LRMDA: variants seen among roughly 807,000 people sequenced by gnomAD.
LRMDA encodes the protein leucine rich melanocyte differentiation associated.
LRMDA carries 18 observed loss-of-function variants against 29.8 expected under a neutral mutation model. The observed-to-expected ratio is 0.60, with a 90% CI of 0.42 to 0.90. The LOEUF (loss-of-function observed/expected upper bound fraction) is 0.90. Among genes scored for constraint, LRMDA ranks in the 40% least tolerant of loss-of-function variants. The probability of loss-of-function intolerance (pLI) is 0.00; values close to 1 mark genes in which losing one functional copy is unlikely to be tolerated. For missense variants in LRMDA, 273 were observed against 273.9 expected (o/e 1.00, Z 0.02); for synonymous variants, 125 against 109.4 (o/e 1.14, Z -0.89).
At position 75,431,769 on chromosome 10, in the gene LRMDA, G is replaced by GC; in HGVS notation, c.30+19dup. 7.4e-7 allele frequency: 1 copy of GC among 1,359,514 alleles called. No individual in the cohort carries two copies. Among genetic ancestry groups the GC allele is most frequent in the Non-Finnish European group, 9.5e-7 (1 of 1,050,120 alleles). 84.2% of individuals were successfully genotyped at this position (1,359,514 alleles called of 1,614,324 possible). On this transcript the variant is annotated intron_variant, in intron 1 of 6. Coordinates refer to ENST00000611255, the MANE Select transcript of LRMDA (RefSeq NM_001305581.2). ...GTGGAACTCAAGTAAGTCCCGGCCA[G>GC]CCCCGCCTCCGCCCGGGGCGCAGTC... is the stretch of plus-strand genomic sequence containing the variant.
At chr10:75,708,112 C>A (rs916265200) in intron 2 of LRMDA, among the ~76,000 whole-genome samples, 1 of 152,068 alleles carries the variant, frequency 6.6e-6, no homozygotes, top group Admixed American at 6.5e-5. Flanking sequence ...AGCAAAGGGC[C>A]GCTCTGACAG....
chr10:75,459,466 C>T (rs1277173375), intron 2 of LRMDA, among the ~76,000 whole-genome samples: 4 of 152,132 alleles, frequency 2.6e-5, no homozygotes, highest in African/African-American at 7.2e-5. Context: ...CTGGGATCCC[C>T]TATGCTATGC....
At chr10:75,794,607 C>T (rs961253515) in intron 2 of LRMDA, among the ~76,000 whole-genome samples, 8 of 152,126 alleles carry the variant, frequency 5.3e-5, no homozygotes, top group East Asian at 1.9e-4. Flanking sequence ...CAGTTAGTGT[C>T]GTCAGTCTTT....
chr10:75,923,640 T>C (rs1305358739), intron 2 of LRMDA, among the ~76,000 whole-genome samples: 2 of 152,206 alleles, frequency 1.3e-5, no homozygotes, highest in Non-Finnish European at 2.9e-5. Context: ...TAGAGATTTG[T>C]TTTTAGATCA....
intron 2 of LRMDA, among the ~76,000 whole-genome samples, chr10:75,669,111 C>T (rs1023672142): frequency 6.6e-6 from 1 of 152,140 alleles, no homozygotes; most frequent in African/African-American, 2.4e-5. Flanking sequence ...ATATTTAGCC[C>T]CTTATGTTGT....
chr10:75,812,283 T>C (rs998937317), intron 2 of LRMDA, among the ~76,000 whole-genome samples: 3 of 152,132 alleles, frequency 2.0e-5, no homozygotes, highest in African/African-American at 7.2e-5. Context: ...TCAACACTGC[T>C]GCAGTTATAA....
intron 5 of LRMDA, among the ~76,000 whole-genome samples, chr10:76,255,989 ATTC>A (rs1852587142): frequency 6.6e-6 from 1 of 152,228 alleles, no homozygotes; most frequent in African/African-American, 2.4e-5. Flanking sequence ...GACCAGTTTC[ATTC>A]TTCTAATTCT....
intron 6 of LRMDA, chr10:76,402,325 G>T (rs1336136506): frequency 1.3e-5 from 2 of 152,156 alleles, no homozygotes; most frequent in Non-Finnish European, 2.9e-5. Context: ...ATTTACTAAG[G>T]TAAGATGAAG....
At chr10:76,214,050 G>A (rs1177279806) in intron 5 of LRMDA, among the ~76,000 whole-genome samples, 2 of 152,152 alleles carry the variant, frequency 1.3e-5, no homozygotes, top group Non-Finnish European at 2.9e-5. Flanking sequence ...CCATGGAGGT[G>A]AGGGAGACAG....
intron 2 of LRMDA, among the ~76,000 whole-genome samples, chr10:75,571,985 C>T (rs139944047): frequency 0.013 from 1,919 of 152,172 alleles, 40 homozygotes; most frequent in African/African-American, 0.044. Flanking sequence ...AATGGAGTCT[C>T]GCTCTGTCAC....
intron 2 of LRMDA, among the ~76,000 whole-genome samples, chr10:75,711,912 A>T (rs909961488): frequency 2.6e-5 from 4 of 151,602 alleles, no homozygotes; most frequent in Non-Finnish European, 5.9e-5. Context: ...TTTGATTTTG[A>T]AGGTAAAACA....
chr10:76,115,013 C>T (rs1028879063), intron 5 of LRMDA, among the ~76,000 whole-genome samples: 3 of 152,142 alleles, frequency 2.0e-5, no homozygotes, highest in East Asian at 3.9e-4. Flanking sequence ...GGAAAGCATT[C>T]GTAAAGGATA....
At chr10:75,702,814 C>T (rs1015343219) in intron 2 of LRMDA, among the ~76,000 whole-genome samples, 3 of 152,168 alleles carry the variant, frequency 2.0e-5, no homozygotes, top group Non-Finnish European at 4.4e-5. Context: ...GTATAGTTTT[C>T]ATGTGTGTGT....
In LRMDA at chr10:76,047,158, T is replaced by G; in HGVS notation, c.259-6T>G. On this transcript the variant is annotated splice_region_variant and splice_polypyrimidine_tract_variant and intron_variant, in intron 3 of 6. Transcript: ENST00000611255. Reference sequence around the variant, plus strand: ...TTACTGGACCAAGATTCTTAACCTTTGTCACATCACTGATTTGGAGAACCT... The same window carrying G: ...TTACTGGACCAAGATTCTTAACCTTGGTCACATCACTGATTTGGAGAACCT... The G allele has an allele frequency of 6.2e-7, 1 of 1,613,964 alleles. No homozygotes were observed. Among genetic ancestry groups the G allele is most frequent in the East Asian group, 2.2e-5 (1 of 44,878 alleles).
chr10:76,146,982 A>AC (rs1441726059), intron 5 of LRMDA, among the ~76,000 whole-genome samples: 1 of 152,144 alleles, frequency 6.6e-6, no homozygotes, highest in African/African-American at 2.4e-5. Context: ...TGGGTTGAAA[A>AC]TTCTTTTCTT....
At chr10:75,508,938 T>C (rs1480672866) in intron 2 of LRMDA, among the ~76,000 whole-genome samples, 1 of 152,238 alleles carries the variant, frequency 6.6e-6, no homozygotes, top group Admixed American at 6.5e-5. Context: ...GCGTGCATCT[T>C]AGATTCCATG....
intron 2 of LRMDA, among the ~76,000 whole-genome samples, chr10:75,592,568 G>A (rs2132085115): frequency 6.6e-6 from 1 of 152,316 alleles, no homozygotes; most frequent in African/African-American, 2.4e-5. Context: ...TAATTCATCG[G>A]TAATGGGTAT....
At chr10:75,694,302 T>C (rs1842205882) in intron 2 of LRMDA, among the ~76,000 whole-genome samples, 1 of 152,112 alleles carries the variant, frequency 6.6e-6, no homozygotes, top group African/African-American at 2.4e-5. Context: ...CGAGGGGAAA[T>C]AGAAACAGAT....
At chr10:76,227,618 A>G (rs1202796929) in intron 5 of LRMDA, among the ~76,000 whole-genome samples, 1 of 152,156 alleles carries the variant, frequency 6.6e-6, no homozygotes. Context: ...CATTCTTGTA[A>G]TCAACTGAAT....
Sources: gnomAD v4.1 joint callset for allele counts (sites outside exome capture counted in the v4.1 genomes callset) on GRCh38, gnomAD v4.1.1 for gene constraint, MANE v1.5 for transcripts, NCBI Gene and HGNC (gene_info 2026-07-23, HGNC 2026-07-21) for gene names.